ARID2: variants seen among roughly 807,000 people sequenced by gnomAD.
The protein encoded by ARID2 is AT-rich interactive domain-containing protein 2.
Under a neutral mutation model 184.6 loss-of-function variants are expected in ARID2, and 32 were observed. The observed-to-expected ratio is 0.17, with a 90% CI of 0.13 to 0.23. ARID2 has a LOEUF of 0.23. Ranked by LOEUF, ARID2 falls within the 10% of genes least tolerant of loss-of-function variation. The pLI is 1.00. For missense variants in ARID2, 1,696 were observed against 2,197.6 expected, an observed-to-expected ratio of 0.77 and a Z score of 4.56; for synonymous variants, 836 against 772.6, an observed-to-expected ratio of 1.08 and a Z score of -1.36.
At chr12:45,778,786 G>A (rs1018208548) in intron 3 of ARID2, among the ~76,000 whole-genome samples, 6 of 151,754 alleles carry the variant, frequency 4.0e-5, no homozygotes, top group South Asian at 2.1e-4. Context: ...AAAATAATGG[G>A]CTGTTTTTCA....
At chr12:45,830,327 GAATGACTGTATT>G (rs1943091147) in intron 6 of ARID2, among the ~76,000 whole-genome samples, 1 of 152,104 alleles carries the variant, frequency 6.6e-6, no homozygotes, top group Non-Finnish European at 1.5e-5. Flanking sequence ...TACTGGTTCA[GAATGACTGTATT>G]AATTTCTTCA....
intron 12 of ARID2, among the ~76,000 whole-genome samples, chr12:45,848,527 A>G (rs1327776521): frequency 1.3e-5 from 2 of 152,138 alleles, no homozygotes; most frequent in Non-Finnish European, 2.9e-5. Context: ...CCGAATAGAT[A>G]TTCACTAAAT....
Position 45,837,478 on chromosome 12 carries a change from C to A in ARID2, c.1121-20C>A. 6.2e-7 allele frequency: 1 copy of A among 1,612,454 alleles called. No individual in the cohort carries two copies. The highest frequency in any genetic ancestry group is 8.5e-7 in the Non-Finnish European group (1 of 1,178,886). The stretch of plus-strand genomic sequence containing the variant: ...AACAAACTATCATTTCTTAGTAATA[C>A]ATATTTGTATGTTTTTCAGGCATGG... On this transcript the variant is annotated intron_variant, in intron 9 of 20. Transcript: ENST00000334344.
intron 6 of ARID2, among the ~76,000 whole-genome samples, chr12:45,828,098 T>C (rs1943037150): frequency 6.6e-6 from 1 of 152,066 alleles, no homozygotes; most frequent in Admixed American, 6.6e-5. Flanking sequence ...ATAAAGTGAA[T>C]ACACTCATGT....
Position 45,836,760 on chromosome 12 carries a change from G to C in ARID2, c.792G>C (p.Trp264Cys), listed in dbSNP as rs1256055941. 1 of 1,613,648 alleles carries C rather than the reference G, an allele frequency of 6.2e-7. No individual in the cohort carries two copies. The highest frequency in any genetic ancestry group is 1.7e-5 in the Admixed American group (1 of 59,988). Residue 264 changes from tryptophan (W) to cysteine (C), a missense_variant, in exon 8 of 21, where the codon TGG becomes TGC. Physicochemically the swap from Trp to Cys is radical, Grantham distance 215. Coordinates refer to ENST00000334344, the MANE Select transcript of ARID2 (RefSeq NM_152641.4). ...TTGTAGAAGGTACATCAGGAGAATG[G>C]ATTTGGGAGTCTTTATTTCATCCAC... is the stretch of plus-strand genomic sequence containing the variant. ...NKSHEGTSGE[W>C]IWESLFHPPR... is the part of the protein sequence containing the mutation.
At chr12:45,736,804 G>A (rs1417062774) in intron 3 of ARID2, among the ~76,000 whole-genome samples, 6 of 152,296 alleles carry the variant, frequency 3.9e-5, no homozygotes, top group African/African-American at 1.4e-4. Context: ...CTTTATTGCA[G>A]GACTTCTTAG....
chr12:45,794,709 C>T lies in ARID2; in HGVS notation c.285-16709C>T, dbSNP rs80301065. Among the ~76,000 whole-genome samples the T allele has an allele frequency of 6.0e-3, 918 of 152,256 alleles. 16 individuals carry two copies. Among genetic ancestry groups the T allele is most frequent in the African/African-American group, 0.021 (854 of 41,552 alleles). ...TTGCGTACTTTAATTGGTTAAACAACCCTAGCTTCCCCGATGGTAACAGAT... is the reference window on the plus strand; with the variant it reads ...TTGCGTACTTTAATTGGTTAAACAATCCTAGCTTCCCCGATGGTAACAGAT... On this transcript the variant is annotated intron_variant, in intron 3 of 20. Coordinates refer to ENST00000334344, the MANE Select transcript of ARID2 (RefSeq NM_152641.4).
In ARID2 at chr12:45,877,321, C is replaced by G. The variant is rs550698241; in HGVS notation, c.4923-14459C>G. Reference sequence around the variant, plus strand: ...CTGCCCCCTGTTAGATCAGTGGCGGCATTGGATTCTCATAGGAGCGCAAGC... The same window carrying G: ...CTGCCCCCTGTTAGATCAGTGGCGGGATTGGATTCTCATAGGAGCGCAAGC... On this transcript the variant is annotated intron_variant, in intron 16 of 20. Coordinates refer to ENST00000334344, the MANE Select transcript of ARID2 (RefSeq NM_152641.4). Among the ~76,000 whole-genome samples, 11 of 152,078 alleles carry G rather than the reference C, an allele frequency of 7.2e-5. No individual in the cohort carries two copies. In the East Asian group the frequency reaches 2.1e-3, roughly 29 times the overall value.
intron 3 of ARID2, among the ~76,000 whole-genome samples, chr12:45,794,728 A>G (rs1468085899): frequency 1.3e-5 from 2 of 152,178 alleles, no homozygotes; most frequent in African/African-American, 2.4e-5. Flanking sequence ...CCCCGATGGT[A>G]ACAGATTTTT....
At chr12:45,843,936 C>T (rs963015293) in intron 11 of ARID2, among the ~76,000 whole-genome samples, 3 of 152,164 alleles carry the variant, frequency 2.0e-5, no homozygotes, top group African/African-American at 4.8e-5. Context: ...GTTAGTGTGA[C>T]GCGTTCTTTC....
intron 3 of ARID2, among the ~76,000 whole-genome samples, chr12:45,748,790 C>G (rs1187462841): frequency 1.3e-5 from 2 of 152,122 alleles, no homozygotes; most frequent in Non-Finnish European, 2.9e-5. Flanking sequence ...CATTCTATCT[C>G]AATAAACCAT....
At chr12:45,889,809 G>A (rs1301274117) in intron 16 of ARID2, among the ~76,000 whole-genome samples, 2 of 152,186 alleles carry the variant, frequency 1.3e-5, no homozygotes, top group Non-Finnish European at 2.9e-5. Flanking sequence ...GTGGTGGCAG[G>A]TGCCTGTAGT....
chr12:45,877,685 T>A (rs1279288995), intron 16 of ARID2, among the ~76,000 whole-genome samples: 3 of 152,076 alleles, frequency 2.0e-5, no homozygotes, highest in Non-Finnish European at 4.4e-5. Flanking sequence ...TTATACTATG[T>A]CCTTTACATA....
chr12:45,858,431 C>G (rs954064266), intron 15 of ARID2, among the ~76,000 whole-genome samples: 4 of 152,188 alleles, frequency 2.6e-5, no homozygotes, highest in African/African-American at 9.6e-5. Flanking sequence ...TCCCATGCCA[C>G]TTTCTCACCA....
chr12:45,748,026 T>G (rs2137989461), intron 3 of ARID2, among the ~76,000 whole-genome samples: 1 of 152,328 alleles, frequency 6.6e-6, no homozygotes, highest in East Asian at 1.9e-4. Flanking sequence ...ATGTTTATAT[T>G]ATACTGTAGT....
intron 16 of ARID2, among the ~76,000 whole-genome samples, chr12:45,864,122 G>T (rs1186109707): frequency 6.6e-6 from 1 of 152,034 alleles, no homozygotes; most frequent in Non-Finnish European, 1.5e-5. Context: ...CTCCCAAAGT[G>T]CTGGGATTAC....
intron 3 of ARID2, among the ~76,000 whole-genome samples, chr12:45,798,828 C>T (rs1249859367): frequency 6.6e-6 from 1 of 152,028 alleles, no homozygotes; most frequent in African/African-American, 2.4e-5. Context: ...CCCAAAGGCT[C>T]ATAAGTTACT....
At chr12:45,766,313 G>A (rs1220226016) in intron 3 of ARID2, among the ~76,000 whole-genome samples, 5 of 147,660 alleles carry the variant, frequency 3.4e-5, no homozygotes, top group African/African-American at 5.0e-5. Flanking sequence ...GATTACAGGC[G>A]CCCACCACCA....
chr12:45,855,928 A>G (rs778300188), intron 15 of ARID2, among the ~76,000 whole-genome samples: 14 of 151,948 alleles, frequency 9.2e-5, no homozygotes, highest in African/African-American at 3.1e-4. Context: ...GGATCTCCCT[A>G]TGTTGCCCAG....
Sources: allele counts gnomAD v4.1 joint callset (sites outside exome capture counted in the v4.1 genomes callset), GRCh38; gene constraint gnomAD v4.1.1; transcripts MANE v1.5; gene names NCBI Gene and HGNC (gene_info 2026-07-23, HGNC 2026-07-21).